RNASET2: variants seen among roughly 807,000 people sequenced by gnomAD.
RNASET2 encodes ribonuclease T2.
In RNASET2, 28 loss-of-function variants were observed where a neutral mutation model predicts 33.9. The ratio of observed to expected loss-of-function variants is 0.83; its 90% CI spans 0.61 to 1.13. RNASET2 has a LOEUF of 1.13. Ranked by LOEUF, RNASET2 falls within the 50% of genes most tolerant of loss-of-function variation. The pLI, the probability that RNASET2 is intolerant of heterozygous loss-of-function variation, is 0.00. For missense variants in RNASET2, 330 were observed against 319.9 expected, an observed-to-expected ratio of 1.03 and a Z score of -0.24; for synonymous variants, 123 against 121.0, an observed-to-expected ratio of 1.02 and a Z score of -0.11.
chr6:166,944,929 C>T (rs1200407100), intron 4 of RNASET2, among the ~76,000 whole-genome samples: 6 of 149,098 alleles, frequency 4.0e-5, no homozygotes, highest in South Asian at 2.1e-4. Flanking sequence ...TGCCCCCTCA[C>T]CCACCCACGT....
intron 1 of RNASET2, among the ~76,000 whole-genome samples, chr6:166,954,770 T>C (rs1224369805): frequency 6.6e-6 from 1 of 152,200 alleles, no homozygotes; most frequent in Non-Finnish European, 1.5e-5. Flanking sequence ...TCCCAGCACT[T>C]TGGGAGGCCG....
chr6:166,938,829 C>A (rs763930988), intron 6 of RNASET2, 66 bp downstream of exon 6: 1 of 1,129,470 alleles, frequency 8.9e-7, no homozygotes, highest in Admixed American at 1.7e-5. Flanking sequence ...CTGGATCCAG[C>A]TGTCAGGCTT....
rs376628359 is a variant in RNASET2, at chr6:166,942,934, C to A, written c.332+85G>T. 4,921 of 1,089,558 alleles carry A rather than the reference C, an allele frequency of 4.5e-3. 14 individuals carry two copies. Among genetic ancestry groups the A allele is most frequent in the Non-Finnish European group, 5.8e-3 (4,169 of 715,128 alleles). 67.5% of individuals were successfully genotyped at this position (1,089,558 alleles called of 1,614,324 possible). A position where few individuals can be genotyped will look rare whatever the true frequency, so the allele number is the denominator to read the frequency against. On this transcript the variant is annotated intron_variant, in intron 5 of 8. Coordinates refer to ENST00000508775, the MANE Select transcript of RNASET2 (RefSeq NM_003730.6). The stretch of plus-strand genomic sequence containing the variant: ...ACAGATTCTGTTATCTTGCTTCCCA[C>A]ACAGTTTCCACTTCTAGCGATTCAT...
intron 1 of RNASET2, 197 bp from the exon 2 acceptor site, chr6:166,952,745 G>T: frequency 3.4e-6 from 2 of 586,900 alleles, no homozygotes; most frequent in Non-Finnish European, 6.3e-6. Context: ...GTGTGGTGGC[G>T]TCCAGTGCTG....
intron 6 of RNASET2, chr6:166,935,162 C>T (rs916500790): frequency 3.9e-5 from 6 of 151,916 alleles, no homozygotes; most frequent in Non-Finnish European, 7.4e-5. Context: ...CACAGGACCT[C>T]GCCTACCCTA....
rs781239107 is a variant in RNASET2, at chr6:166,938,941, ACTT to A, written c.397_399del (p.Lys133del). The A allele has an allele frequency of 3.6e-5, 58 of 1,613,678 alleles. No homozygotes were observed. The highest frequency in any genetic ancestry group is 4.5e-5 in the Non-Finnish European group (53 of 1,179,984). ...TAGAGTTCCAGGCTTCTGCCAAAGTACTTCTTCTGGGAGTTGAGCGCATCCACC... is the reference window on the plus strand; with the variant it reads ...TAGAGTTCCAGGCTTCTGCCAAAGTACTTCTGGGAGTTGAGCGCATCCACC... On this transcript the variant is annotated inframe_deletion, in exon 6 of 9. Coordinates refer to ENST00000508775, the MANE Select transcript of RNASET2 (RefSeq NM_003730.6).
At chr6:166,949,775 G>C (rs1778938805) in intron 2 of RNASET2, among the ~76,000 whole-genome samples, 2 of 152,270 alleles carry the variant, frequency 1.3e-5, no homozygotes, top group African/African-American at 4.8e-5. Flanking sequence ...TGCACCACAC[G>C]GGGCTCTGAG....
rs1778905865 is a variant in RNASET2 at position 166,948,616 on chromosome 6, T to C, written c.157A>G (p.Asn53Asp). 1 of 1,456,336 alleles carries C rather than the reference T, an allele frequency of 6.9e-7. No homozygotes were observed. The highest frequency in any genetic ancestry group is 1.4e-5 in the African/African-American group (1 of 70,398). The allele number at this position is 1,456,336 out of a possible 1,614,324, so 90.2% of individuals were successfully genotyped here. ...WPETVCEKIQ[N>D]DCRDPPDYWT... is the part of the protein sequence containing the mutation. ...TAATCCGGAGGGTCTCTACAGTCGT[T>C]TTGAATTTTCTAGGGAGAAAATATA... The change falls in exon 3 of 9, where the codon AAC becomes GAC. Residue 53 changes from asparagine (N) to aspartate (D), a missense_variant. Physicochemically the swap from Asn to Asp is conservative, Grantham distance 23. Transcript: ENST00000508775.
At chr6:166,955,892 T>G in intron 1 of RNASET2, 2 of 618,026 alleles carry the variant, frequency 3.2e-6, no homozygotes, top group Non-Finnish European at 4.0e-6. Flanking sequence ...CCCAACCCAC[T>G]CCCTCCAGGG....
At chr6:166,930,805 T>TAC (rs74719029) in intron 8 of RNASET2, among the ~76,000 whole-genome samples, 3 of 141,988 alleles carry the variant, frequency 2.1e-5, no homozygotes, top group Non-Finnish European at 3.0e-5. Context: ...CACATGCATG[T>TAC]ACACACACAT....
chr6:166,932,728 A>G (rs1280131945), intron 7 of RNASET2: 1 of 152,268 alleles, frequency 6.6e-6, no homozygotes, highest in Non-Finnish European at 1.5e-5. Flanking sequence ...CGCCGTTCGC[A>G]CCTGGAAGCA....
Position 166,929,378 on chromosome 6 carries a change from A to T in RNASET2, c.*210T>A. ...AAAACAATCTGTGAGCTTTATCCCA[A>T]GCACAAAACAGCCACTCAGGCGTGG... On this transcript the variant is annotated 3_prime_UTR_variant, in exon 9 of 9. Transcript: ENST00000508775. The T allele has an allele frequency of 1.6e-6, 1 of 634,982 alleles. No individual in the cohort carries two copies. The highest frequency in any genetic ancestry group is 1.9e-5 in the South Asian group (1 of 53,818). 39.3% of individuals were successfully genotyped at this position (634,982 alleles called of 1,614,324 possible). A position where few individuals can be genotyped will look rare whatever the true frequency, so the allele number is the denominator to read the frequency against.
Position 166,956,359 on chromosome 6 carries a change from T to C in RNASET2, c.-177A>G, listed in dbSNP as rs532165508. 1 of 592,732 alleles carries C rather than the reference T, an allele frequency of 1.7e-6. No homozygotes were observed. The highest frequency in any genetic ancestry group is 3.0e-6 in the Non-Finnish European group (1 of 334,614). The allele number at this position is 592,732 out of a possible 1,614,324, so 36.7% of individuals were successfully genotyped here. ...GGAGCCCTGGGACGGCCTAAACCAG[T>C]ATCTCGCGGGCCCCGCGCCGGGCTC... On this transcript the variant is annotated 5_prime_UTR_variant, in exon 1 of 9. The change creates a new upstream start codon in the 5' untranslated region. Coordinates refer to ENST00000508775, the MANE Select transcript of RNASET2 (RefSeq NM_003730.6).
At chr6:166,949,985 C>T (rs3798305) in intron 2 of RNASET2, among the ~76,000 whole-genome samples, 6,330 of 152,356 alleles carry the variant, frequency 0.042, 246 homozygotes, top group African/African-American at 0.097. Context: ...GTAGGAAATA[C>T]ACTCCTTAAC....
In RNASET2 at chr6:166,923,622, A is replaced by C. The variant is rs1778265190; in HGVS notation, c.*5966T>G. 6.6e-6 allele frequency among the ~76,000 whole-genome samples: 1 copy of C among 151,226 alleles called. No homozygotes were observed. Among genetic ancestry groups the C allele is most frequent in the Non-Finnish European group, 1.5e-5 (1 of 67,910 alleles). Reference sequence around the variant, plus strand: ...CCCATTACAGTCACTCAGAAAAAAAAAATAGAATTCTTATCAGAAAAAAAA... The same window carrying C: ...CCCATTACAGTCACTCAGAAAAAAACAATAGAATTCTTATCAGAAAAAAAA... On this transcript the variant is annotated 3_prime_UTR_variant, in exon 9 of 9. Transcript: ENST00000508775.
rs1778281816 is a variant in RNASET2 at position 166,924,956 on chromosome 6, T to C, written c.*4632A>G. On this transcript the variant is annotated 3_prime_UTR_variant, in exon 9 of 9. Transcript: ENST00000508775. Reference sequence around the variant, plus strand: ...ATGAATCAATAAACAGCTCTTGATTTAGTGGCAGGAGAAGTACAGGCCTCA... The same window carrying C: ...ATGAATCAATAAACAGCTCTTGATTCAGTGGCAGGAGAAGTACAGGCCTCA... 6.6e-6 allele frequency among the ~76,000 whole-genome samples: 1 copy of C among 152,130 alleles called. No homozygotes were observed. The highest frequency in any genetic ancestry group is 1.5e-5 in the Non-Finnish European group (1 of 67,994).
chr6:166,945,686 C>T (rs745659666), intron 4 of RNASET2, among the ~76,000 whole-genome samples: 26 of 151,788 alleles, frequency 1.7e-4, no homozygotes, highest in Non-Finnish European at 2.9e-4. Flanking sequence ...CAAAATAAGC[C>T]GGGCATGGTG....
At position 166,935,278 on chromosome 6, in the gene RNASET2, C is replaced by T. The variant is rs1778539330; in HGVS notation, c.447-1142G>A. On this transcript the variant is annotated intron_variant, in intron 6 of 8. Transcript: ENST00000508775. ...ATATTTATCCTAAGTTTCGATGATC[C>T]TATTTTTGATATATTGAGTTTAATA... 3.3e-5 allele frequency among the ~76,000 whole-genome samples: 5 copies of T among 151,896 alleles called. No individual in the cohort carries two copies. The South Asian group carries it at 1.0e-3, about 32-fold the overall frequency.
rs1778251828 is a variant in RNASET2, at chr6:166,922,688, T to A, written c.*6900A>T. ...ACATGACTTTTGATGTATGTTGTTA[T>A]CTTTGGGCCACTGCTGACTATCTTT... On this transcript the variant is annotated 3_prime_UTR_variant, in exon 9 of 9. Transcript: ENST00000508775. Among the ~76,000 whole-genome samples, 1 of 152,238 alleles carries A rather than the reference T, an allele frequency of 6.6e-6. No homozygotes were observed. The highest frequency in any genetic ancestry group is 6.5e-5 in the Admixed American group (1 of 15,292).
Sources: allele counts gnomAD v4.1 joint callset (sites outside exome capture counted in the v4.1 genomes callset), GRCh38; gene constraint gnomAD v4.1.1; transcripts MANE v1.5; gene names NCBI Gene and HGNC (gene_info 2026-07-23, HGNC 2026-07-21).